The following SLC6A4 variants were observed in gnomAD, a reference collection of about 807,000 sequenced individuals.
SLC6A4 encodes the protein sodium-dependent serotonin transporter.
In SLC6A4, 22 loss-of-function variants were observed where a neutral mutation model predicts 73.4. The ratio of observed to expected loss-of-function variants is 0.30; its 90% CI spans 0.21 to 0.43. SLC6A4 has a LOEUF of 0.43. SLC6A4 is among the 20% of genes least tolerant of loss of function. The pLI, the probability that SLC6A4 is intolerant of heterozygous loss-of-function variation, is 1.00. For synonymous variants in SLC6A4, 270 were observed against 315.5 expected (o/e 0.86, Z 1.53); for missense variants, 593 against 808.5 (o/e 0.73, Z 3.23).
chr17:30,230,089 AGAAGAAGAGGAGGAAGAG>A (rs1421873713), intron 1 of SLC6A4, among the ~76,000 whole-genome samples: 11 of 133,110 alleles, frequency 8.3e-5, no homozygotes, highest in Non-Finnish European at 1.1e-4. Context: ...AAGAAGAAGA[AGAAGAAGAGGAGGAAGAG>A]GAAGAGGAAG....
At chr17:30,222,400 T>C (rs1906794008) in intron 2 of SLC6A4, among the ~76,000 whole-genome samples, 1 of 152,194 alleles carries the variant, frequency 6.6e-6, no homozygotes, top group African/African-American at 2.4e-5. Flanking sequence ...TGGACTCTCA[T>C]CTTGTGGTTT....
intron 13 of SLC6A4, among the ~76,000 whole-genome samples, chr17:30,207,251 G>A (rs1906236789): frequency 6.6e-6 from 1 of 152,094 alleles, no homozygotes; most frequent in Non-Finnish European, 1.5e-5. Context: ...CACAAGAGGG[G>A]CTTCTGAAGT....
At chr17:30,214,040 C>G (rs566820125) in intron 8 of SLC6A4, among the ~76,000 whole-genome samples, 1 of 152,288 alleles carries the variant, frequency 6.6e-6, no homozygotes, top group East Asian at 1.9e-4. Flanking sequence ...AGCAACTGCA[C>G]CTGGCCCAGT....
At chr17:30,216,241 A>G (rs1248745932) in intron 6 of SLC6A4, 25 bp from the exon 7 acceptor site, 1 of 872,880 alleles carries the variant, frequency 1.1e-6, no homozygotes. Flanking sequence ...GGTTATCACC[A>G]TGCTGTTCCA....
chr17:30,201,378 A>G (rs1906031045), intron 14 of SLC6A4, among the ~76,000 whole-genome samples: 2 of 152,114 alleles, frequency 1.3e-5, no homozygotes, highest in Admixed American at 6.5e-5. Flanking sequence ...CCCTACCTAC[A>G]ATTAGTCTTA....
At position 30,197,011 on chromosome 17, in the gene SLC6A4, C is replaced by T. The variant is rs1036730162; in HGVS notation, c.*1445G>A. 1 of 152,268 alleles carries T rather than the reference C, an allele frequency of 6.6e-6. No individual in the cohort carries two copies. Among genetic ancestry groups the T allele is most frequent in the African/African-American group, 2.4e-5 (1 of 41,428 alleles). 9.4% of individuals were successfully genotyped at this position (152,268 alleles called of 1,614,324 possible). On this transcript the variant is annotated 3_prime_UTR_variant, in exon 15 of 15. Transcript: ENST00000650711. The stretch of plus-strand genomic sequence containing the variant: ...AATTAAATTTCATTTATACAGAGAA[C>T]TGAAGTGATAGGTGGCCAGATGATT...
chr17:30,218,071 G>T (rs748435831), intron 5 of SLC6A4, 47 bp downstream of exon 5: 12 of 1,506,472 alleles, frequency 8.0e-6, no homozygotes, highest in Non-Finnish European at 1.0e-5. Context: ...AACCCCAGGG[G>T]TGTGGCCTGC....
chr17:30,212,985 C>A, intron 8 of SLC6A4, 118 bp from the exon 9 acceptor site: 1 of 1,119,474 alleles, frequency 8.9e-7, no homozygotes, highest in Non-Finnish European at 1.3e-6. Flanking sequence ...GACAAGCAGG[C>A]TGAACTCAAG....
intron 13 of SLC6A4, chr17:30,204,630 C>T (rs933577552): frequency 6.6e-6 from 1 of 152,158 alleles, no homozygotes; most frequent in Non-Finnish European, 1.5e-5. Context: ...GGCCTCTACT[C>T]GTACACAATA....
In SLC6A4 at chr17:30,211,727, G is replaced by C. The variant is rs544591924; in HGVS notation, c.1205-303C>G. Reference sequence around the variant, plus strand: ...GGCAAAGCTGCACATGAGAATAAGAGTTTCCACCATATAACAATTCCATGG... The same window carrying C: ...GGCAAAGCTGCACATGAGAATAAGACTTTCCACCATATAACAATTCCATGG... On this transcript the variant is annotated intron_variant, in intron 9 of 14. Coordinates refer to ENST00000650711, the MANE Select transcript of SLC6A4 (RefSeq NM_001045.6). The surrounding 1 kb of genome is among the most constrained non-coding windows in gnomAD (Gnocchi z 4.0). Among the ~76,000 whole-genome samples, 2 of 152,294 alleles carry C rather than the reference G, an allele frequency of 1.3e-5. No individual in the cohort carries two copies. Among genetic ancestry groups the C allele is most frequent in the Non-Finnish European group, 2.9e-5 (2 of 68,018 alleles).
chr17:30,201,440 A>C (rs1906033547), intron 14 of SLC6A4, among the ~76,000 whole-genome samples: 1 of 152,198 alleles, frequency 6.6e-6, no homozygotes, highest in South Asian at 2.1e-4. Flanking sequence ...TTTGGGTGGC[A>C]TTCCCTTGTG....
intron 6 of SLC6A4, among the ~76,000 whole-genome samples, chr17:30,216,890 A>T (rs1474547389): frequency 6.6e-6 from 1 of 151,360 alleles, no homozygotes; most frequent in Non-Finnish European, 1.5e-5. Flanking sequence ...AGTAGAGATG[A>T]GGTTTCGATG....
intron 1 of SLC6A4, among the ~76,000 whole-genome samples, chr17:30,230,074 AGAAGAAGAAGAAGAAGAAGAAGAG>A (rs1300850902): frequency 4.3e-5 from 5 of 117,436 alleles, no homozygotes; most frequent in African/African-American, 9.2e-5. Flanking sequence ...AAGAAGAAGA[AGAAGAAGAAGAAGAAGAAGAAGAG>A]GAGGAAGAGG....
chr17:30,206,343 A>AC (rs1906197294), intron 13 of SLC6A4: 1 of 152,128 alleles, frequency 6.6e-6, no homozygotes, highest in South Asian at 2.1e-4. Flanking sequence ...ACCCCAGGCT[A>AC]CTTCAGCACA....
At chr17:30,213,306 T>TTC (rs1361301620) in intron 8 of SLC6A4, among the ~76,000 whole-genome samples, 4 of 147,932 alleles carry the variant, frequency 2.7e-5, no homozygotes, top group African/African-American at 1.0e-4. Flanking sequence ...TTTTTTCTTT[T>TTC]TTTTTTTTTT....
At chr17:30,213,715 G>A (rs775823335) in intron 8 of SLC6A4, among the ~76,000 whole-genome samples, 3 of 149,498 alleles carry the variant, frequency 2.0e-5, no homozygotes, top group Non-Finnish European at 4.4e-5. Context: ...TTAAAATTAA[G>A]TCTAAAGATG....
chr17:30,199,519 AG>A (rs1905964179), intron 14 of SLC6A4, among the ~76,000 whole-genome samples: 1 of 152,172 alleles, frequency 6.6e-6, no homozygotes, highest in Non-Finnish European at 1.5e-5. Flanking sequence ...GTTGCCTTCA[AG>A]CTTTTCTATT....
chr17:30,198,511 G>T lies in SLC6A4; in HGVS notation c.1838C>A (p.Thr613Asn). ...TFKERIIKSI[T>N]PETPTEIPCG... is the part of the protein sequence containing the mutation. ...AGGAATTTCTGTTGGTGTTTCTGGG[G>T]TAATACTTTTAATAATACGCTATTG... Residue 613 changes from threonine (T) to asparagine (N), a missense_variant, in exon 15 of 15, where the codon ACC becomes AAC. Physicochemically the swap from Thr to Asn is moderately conservative, Grantham distance 65 (BLOSUM62 0). Coordinates refer to ENST00000650711, the MANE Select transcript of SLC6A4 (RefSeq NM_001045.6). The T allele has an allele frequency of 6.3e-7, 1 of 1,596,700 alleles. No homozygotes were observed. Among genetic ancestry groups the T allele is most frequent in the Non-Finnish European group, 8.6e-7 (1 of 1,164,448 alleles).
At chr17:30,226,854 T>C (rs1392544490) in intron 1 of SLC6A4, among the ~76,000 whole-genome samples, 1 of 133,086 alleles carries the variant, frequency 7.5e-6, no homozygotes, top group African/African-American at 3.2e-5. Flanking sequence ...GCCTGGGCGA[T>C]AGAGTGAGAC....
Sources: allele counts gnomAD v4.1 joint callset (sites outside exome capture counted in the v4.1 genomes callset), GRCh38; gene constraint gnomAD v4.1.1; non-coding constraint Gnocchi (gnomAD v3.1); transcripts MANE v1.5; gene names NCBI Gene and HGNC (gene_info 2026-07-23, HGNC 2026-07-21).